Variants in NEIL3 observed in about 807,000 individuals in gnomAD.
NEIL3 encodes endonuclease 8-like 3.
A neutral mutation model predicts 57.5 loss-of-function variants in NEIL3; 48 were observed. That is an observed-to-expected ratio of 0.83 (90% CI 0.66 to 1.06). The LOEUF is 1.06. Among genes scored for constraint, NEIL3 ranks in the 50% least tolerant of loss-of-function variants. NEIL3 has a pLI of 0.00. For missense variants in NEIL3, 717 were observed against 739.1 expected, an observed-to-expected ratio of 0.97 and a Z score of 0.35; for synonymous variants, 261 against 253.2, an observed-to-expected ratio of 1.03 and a Z score of -0.29.
chr4:177,353,716 G>A lies in NEIL3; in HGVS notation c.1448G>A (p.Gly483Glu), dbSNP rs879371299. The A allele has an allele frequency of 6.2e-7, 1 of 1,609,694 alleles. No homozygotes were observed. Among genetic ancestry groups the A allele is most frequent in the Non-Finnish European group, 8.5e-7 (1 of 1,178,886 alleles). ...CCAGAGCTTAAAAGCTGCAACCCTGGATATTCTAACAGGTATGATGCTTTT... is the reference window on the plus strand; with the variant it reads ...CCAGAGCTTAAAAGCTGCAACCCTGAATATTCTAACAGGTATGATGCTTTT... ...SSPELKSCNP[G>E]YSNSELQINM... Residue 483 changes from glycine (G) to glutamate (E), a missense_variant, in exon 8 of 10, where the codon GGA becomes GAA. Gly to Glu is a moderately conservative substitution (Grantham distance 98, BLOSUM62 -2). Transcript: ENST00000264596.
chr4:177,312,599 T>C (rs1734498008), intron 1 of NEIL3, among the ~76,000 whole-genome samples: 1 of 152,162 alleles, frequency 6.6e-6, no homozygotes, highest in African/African-American at 2.4e-5. Flanking sequence ...GCGTCAGTAA[T>C]GGTTAGGCAA....
rs773825794 is a variant in NEIL3, at chr4:177,362,325, A to C, written c.1672A>C (p.Lys558Gln). ...GTCCTTCCCATTCTGCAACCATGGC[A>C]AGCGTTCCACCATGAAAACAGTATT... ...DLSFPFCNHG[K>Q]RSTMKTVLKI... The change falls in exon 10 of 10, where the codon AAG becomes CAG. Residue 558 changes from lysine (K) to glutamine (Q), a missense_variant. Physicochemically the swap from Lys to Gln is moderately conservative, Grantham distance 53 (BLOSUM62 1). Coordinates refer to ENST00000264596, the MANE Select transcript of NEIL3 (RefSeq NM_018248.3). 11 of 1,610,106 alleles carry C rather than the reference A, an allele frequency of 6.8e-6. No homozygotes were observed. In the East Asian group the frequency reaches 2.0e-4, roughly 29 times the overall value.
At chr4:177,316,368 T>A (rs1734574907) in intron 1 of NEIL3, among the ~76,000 whole-genome samples, 1 of 152,166 alleles carries the variant, frequency 6.6e-6, no homozygotes, top group African/African-American at 2.4e-5. Context: ...AACCTTCCCA[T>A]ATGGTTCATT....
intron 7 of NEIL3, among the ~76,000 whole-genome samples, chr4:177,352,558 C>T (rs747757520): frequency 6.6e-6 from 1 of 152,074 alleles, no homozygotes; most frequent in African/African-American, 2.4e-5. Flanking sequence ...TGGCCAGTCG[C>T]GGTGGCTCAC....
chr4:177,353,350 A>G lies in NEIL3; in HGVS notation c.1082A>G (p.His361Arg), dbSNP rs773206234. The G allele has an allele frequency of 1.9e-6, 3 of 1,613,746 alleles. No individual in the cohort carries two copies. Among genetic ancestry groups the G allele is most frequent in the Non-Finnish European group, 8.5e-7 (1 of 1,179,872 alleles). ...KSEENSTVFSHLMKYPCNTFG... is the reference protein window; with the variant it reads ...KSEENSTVFSRLMKYPCNTFG... ...GAAGAAAATTCTACTGTCTTTAGCCACTTAATGAAGTACCCGTGTAATACT... is the reference window on the plus strand; with the variant it reads ...GAAGAAAATTCTACTGTCTTTAGCCGCTTAATGAAGTACCCGTGTAATACT... Residue 361 changes from histidine to arginine, a missense_variant, in exon 8 of 10, where the codon CAC becomes CGC. Transcript: ENST00000264596.
chr4:177,347,815 T>C (rs970967788), intron 6 of NEIL3, among the ~76,000 whole-genome samples: 1 of 152,186 alleles, frequency 6.6e-6, no homozygotes, highest in African/African-American at 2.4e-5. Context: ...TGTGAATATG[T>C]AGAATAAGAA....
chr4:177,369,565 G>A, the NEIL3 span, among the ~76,000 whole-genome samples: 67 of 152,258 alleles, frequency 4.4e-4, 1 homozygote, highest in East Asian at 0.013. Context: ...CTAAACTGAT[G>A]ACGCAGAGGA....
chr4:177,325,925 A>G (rs1023187534), intron 2 of NEIL3, among the ~76,000 whole-genome samples: 1 of 151,994 alleles, frequency 6.6e-6, no homozygotes, highest in Non-Finnish European at 1.5e-5. Flanking sequence ...AGTATTCTGT[A>G]TATATTCTAG....
chr4:177,352,435 A>G (rs1735376188), intron 7 of NEIL3, among the ~76,000 whole-genome samples: 1 of 152,210 alleles, frequency 6.6e-6, no homozygotes, highest in South Asian at 2.1e-4. Context: ...TTTCTTGTTA[A>G]TGTTTCTGAG....
chr4:177,322,512 A>G lies in NEIL3; in HGVS notation c.210A>G (p.Gly70=), dbSNP rs138706339. Reference sequence around the variant, plus strand: ...AGAATGTCTTGAGCCTGTTTAATGGATATGTTTACAGTGGCGTGGAAACTT... The same window carrying G: ...AGAATGTCTTGAGCCTGTTTAATGGGTATGTTTACAGTGGCGTGGAAACTT... ...SSQNVLSLFN[G]YVYSGVETLG... is the part of the protein sequence containing the mutation. The change falls in exon 2 of 10, where the codon GGA becomes GGG. Residue 70 remains glycine (G), a synonymous_variant. Transcript: ENST00000264596. The G allele has an allele frequency of 8.1e-6, 13 of 1,613,964 alleles. No individual in the cohort carries two copies. The highest frequency in any genetic ancestry group is 1.1e-5 in the Non-Finnish European group (13 of 1,179,900).
At chr4:177,312,468 T>C (rs1211537493) in intron 1 of NEIL3, among the ~76,000 whole-genome samples, 1 of 152,214 alleles carries the variant, frequency 6.6e-6, no homozygotes, top group East Asian at 1.9e-4. Context: ...TCTACCACCA[T>C]TTTTAGTTTT....
At chr4:177,314,017 C>T (rs1560906121) in intron 1 of NEIL3, among the ~76,000 whole-genome samples, 1 of 152,104 alleles carries the variant, frequency 6.6e-6, no homozygotes, top group Non-Finnish European at 1.5e-5. Context: ...AATCGTGGCT[C>T]ATTTTATTGC....
rs1735587696 is a variant in NEIL3, at chr4:177,360,567, A to G, written c.1525A>G (p.Lys509Glu). 16 of 1,614,004 alleles carry G rather than the reference A, an allele frequency of 9.9e-6. No homozygotes were observed. The highest frequency in any genetic ancestry group is 1.3e-5 in the African/African-American group (1 of 74,946). The change falls in exon 9 of 10, where the codon AAA (lysine) becomes GAA (glutamate). Residue 509 changes from lysine (K) to glutamate (E), a missense_variant. Transcript: ENST00000264596. Reference protein sequence around the residue: ...TLNPDSPRCSKHNRLCILRVV... With the variant: ...TLNPDSPRCSEHNRLCILRVV... The stretch of plus-strand genomic sequence containing the variant: ...AAATCCTGACAGCCCTCGCTGCAGT[A>G]AACACAACCGCCTCTGCATTCTCCG...
rs148893186 is a variant in NEIL3 at position 177,325,488 on chromosome 4, T to G, written c.278+2908T>G. Reference sequence around the variant, plus strand: ...GGATTGTTTCAAGTTTTTAATATTGTGAATAAAATTGCTATGAATATTCAC... The same window carrying G: ...GGATTGTTTCAAGTTTTTAATATTGGGAATAAAATTGCTATGAATATTCAC... On this transcript the variant is annotated intron_variant, in intron 2 of 9. Transcript: ENST00000264596. 2.2e-3 allele frequency among the ~76,000 whole-genome samples: 340 copies of G among 152,250 alleles called. 5 individuals are homozygous for G. The East Asian group carries it at 0.043, about 19-fold the overall frequency.
chr4:177,353,080 T>C (rs1194686100), intron 7 of NEIL3, among the ~76,000 whole-genome samples: 1 of 152,174 alleles, frequency 6.6e-6, no homozygotes, highest in Non-Finnish European at 1.5e-5. Flanking sequence ...GTTAAACCCA[T>C]GTCTGGGTTT....
intron 1 of NEIL3, among the ~76,000 whole-genome samples, chr4:177,312,528 C>A (rs1292663567): frequency 6.6e-6 from 1 of 152,158 alleles, no homozygotes; most frequent in Non-Finnish European, 1.5e-5. Context: ...TCTCTTCTAA[C>A]AGCTTCTATG....
Position 177,362,291 on chromosome 4 carries a change from G to A in NEIL3, c.1638G>A (p.Trp546Ter), listed in dbSNP as rs755252807. ...PREAQCGFFE[W>*]ADLSFPFCNH... is the part of the protein sequence containing the mutation. ...AAATTTACCTTTTTTTCCTGCAGTG[G>A]GCAGATTTGTCCTTCCCATTCTGCA... Residue 546 changes from tryptophan to a stop codon, truncating the protein, a stop_gained and splice_region_variant, in exon 10 of 10, where the codon TGG (tryptophan) becomes TGA (stop). Coordinates refer to ENST00000264596, the MANE Select transcript of NEIL3 (RefSeq NM_018248.3). LOFTEE classifies it high-confidence loss of function. 1.3e-6 allele frequency: 2 copies of A among 1,593,488 alleles called. No individual in the cohort carries two copies. The highest frequency in any genetic ancestry group is 1.7e-4 in the Middle Eastern group (1 of 5,922).
chr4:177,316,021 A>G (rs1452462604), intron 1 of NEIL3, among the ~76,000 whole-genome samples: 1 of 152,220 alleles, frequency 6.6e-6, no homozygotes, highest in East Asian at 1.9e-4. Context: ...CATGCATAGT[A>G]TCGAACCCTA....
intron 8 of NEIL3, among the ~76,000 whole-genome samples, chr4:177,357,280 C>G (rs1735492804): frequency 6.6e-6 from 1 of 152,154 alleles, no homozygotes; most frequent in Non-Finnish European, 1.5e-5. Context: ...CCAAGCTTGT[C>G]CAACCATAGG....
Sources: gnomAD v4.1 joint callset for allele counts (sites outside exome capture counted in the v4.1 genomes callset) on GRCh38, gnomAD v4.1.1 for gene constraint, MANE v1.5 for transcripts, NCBI Gene and HGNC (gene_info 2026-07-23, HGNC 2026-07-21) for gene names.